CDH13: variants seen among roughly 807,000 people sequenced by gnomAD.
CDH13 encodes the protein cadherin-13.
A neutral mutation model predicts 63.8 loss-of-function variants in CDH13; 24 were observed. The ratio of observed to expected loss-of-function variants is 0.38; its 90% CI spans 0.27 to 0.53. The LOEUF is 0.53. Ranked by LOEUF, CDH13 falls within the 20% of genes least tolerant of loss-of-function variation. CDH13 has a pLI of 0.85. For synonymous variants in CDH13, 503 were observed against 355.3 expected, an observed-to-expected ratio of 1.42 and a Z score of -4.67; for missense variants, 1,049 against 903.1, an observed-to-expected ratio of 1.16 and a Z score of -2.07.
At chr16:83,618,322 G>A (rs1486093283) in intron 8 of CDH13, among the ~76,000 whole-genome samples, 1 of 151,998 alleles carries the variant, frequency 6.6e-6, no homozygotes, top group Non-Finnish European at 1.5e-5. Flanking sequence ...CTACTTAGGG[G>A]GCTGAGGCAG....
At chr16:82,837,786 C>T (rs2038831796) in intron 1 of CDH13, among the ~76,000 whole-genome samples, 1 of 152,172 alleles carries the variant, frequency 6.6e-6, no homozygotes, top group Non-Finnish European at 1.5e-5. Context: ...TTCCTGACTC[C>T]CGGAAGAAAA....
At chr16:82,736,106 G>C (rs184555905) in intron 1 of CDH13, among the ~76,000 whole-genome samples, 1 of 152,330 alleles carries the variant, frequency 6.6e-6, no homozygotes, top group African/African-American at 2.4e-5. Context: ...AAACTAGTCA[G>C]TAAGCTGCGC....
At position 83,031,380 on chromosome 16, in the gene CDH13, A is replaced by G. The variant is rs560965515; in HGVS notation, c.158-630A>G. Among the ~76,000 whole-genome samples the G allele has an allele frequency of 9.5e-3, 660 of 69,506 alleles. 43 individuals are homozygous for G. The highest frequency in any genetic ancestry group is 0.068 in the Admixed American group (534 of 7,822). 45.6% of individuals were successfully genotyped at this position (69,506 alleles called of 152,430 possible). A position where few individuals can be genotyped will look rare whatever the true frequency, so the allele number is the denominator to read the frequency against. On this transcript the variant is annotated intron_variant, in intron 2 of 13. Coordinates refer to ENST00000567109, the MANE Select transcript of CDH13 (RefSeq NM_001257.5). ...TATACATGTACATGTATATGTATAC[A>G]CGTATATGTATATACATATACATGT... is the stretch of plus-strand genomic sequence containing the variant.
At chr16:83,437,263 G>C (rs1406896148) in intron 6 of CDH13, among the ~76,000 whole-genome samples, 1 of 152,106 alleles carries the variant, frequency 6.6e-6, no homozygotes, top group African/African-American at 2.4e-5. Context: ...TTCTTTGTTA[G>C]ATCGGATAAT....
intron 1 of CDH13, among the ~76,000 whole-genome samples, chr16:82,665,540 C>G (rs1356569919): frequency 6.6e-6 from 1 of 152,122 alleles, no homozygotes; most frequent in South Asian, 2.1e-4. Flanking sequence ...ATAAGAGAAT[C>G]AATTGTATGC....
intron 3 of CDH13, among the ~76,000 whole-genome samples, chr16:83,085,845 A>G (rs776395393): frequency 1.3e-4 from 20 of 152,196 alleles, no homozygotes; most frequent in Admixed American, 2.6e-4. Flanking sequence ...GGGAATAGTC[A>G]TTATATTTGG....
chr16:83,557,425 C>G (rs192440945), intron 7 of CDH13, among the ~76,000 whole-genome samples: 3 of 152,302 alleles, frequency 2.0e-5, no homozygotes, highest in Non-Finnish European at 2.9e-5. Context: ...TTCCACAAAA[C>G]TGGTCCCTCA....
At chr16:83,140,159 C>A (rs1448076249) in intron 4 of CDH13, among the ~76,000 whole-genome samples, 1 of 152,194 alleles carries the variant, frequency 6.6e-6, no homozygotes, top group Non-Finnish European at 1.5e-5. Context: ...TGGGGTGACA[C>A]CTAACAGTTA....
chr16:83,452,309 G>C (rs74032101), intron 6 of CDH13, among the ~76,000 whole-genome samples: 29,392 of 151,948 alleles, frequency 0.19, 3,248 homozygotes, highest in Non-Finnish European at 0.24. Flanking sequence ...ATGAAACCTT[G>C]CTCTTACATG....
chr16:82,780,431 A>G (rs555118985), intron 1 of CDH13, among the ~76,000 whole-genome samples: 1 of 152,362 alleles, frequency 6.6e-6, no homozygotes, highest in South Asian at 2.1e-4. Flanking sequence ...CCCATAGGAT[A>G]AATGACAGCA....
rs181755060 is a variant in CDH13, at chr16:82,761,392, T to G, written c.46-96970T>G. On this transcript the variant is annotated intron_variant, in intron 1 of 13. Transcript: ENST00000567109. ...AACCAGTAGGATAAATACTACTTAT[T>G]TTTCATTCCTCAGATGAGAACATTT... 4.8e-3 allele frequency among the ~76,000 whole-genome samples: 730 copies of G among 152,312 alleles called. 2 individuals carry two copies. Among genetic ancestry groups the G allele is most frequent in the African/African-American group, 0.014 (584 of 41,562 alleles).
At chr16:83,592,183 C>G (rs1906825157) in intron 7 of CDH13, among the ~76,000 whole-genome samples, 1 of 152,194 alleles carries the variant, frequency 6.6e-6, no homozygotes, top group Non-Finnish European at 1.5e-5. Flanking sequence ...CGCACAATGC[C>G]TAGCACACAG....
In CDH13 at chr16:83,585,374, A is replaced by G. The variant is rs899428321; in HGVS notation, c.961-17080A>G. Among the ~76,000 whole-genome samples, 5 of 152,116 alleles carry G rather than the reference A, an allele frequency of 3.3e-5. No individual in the cohort carries two copies. The East Asian group carries it at 9.7e-4, about 29-fold the overall frequency. ...TGGAGTCGTGTGAGAGTCTGTTTGG[A>G]GAAGGAAATCAGTGATACTCTGTTC... On this transcript the variant is annotated intron_variant, in intron 7 of 13. Coordinates refer to ENST00000567109, the MANE Select transcript of CDH13 (RefSeq NM_001257.5).
At chr16:83,734,281 C>T (rs970209881) in intron 10 of CDH13, among the ~76,000 whole-genome samples, 1 of 152,168 alleles carries the variant, frequency 6.6e-6, no homozygotes, top group African/African-American at 2.4e-5. Context: ...CTGTTCACTG[C>T]ACAGAAAGCC....
chr16:83,643,792 T>G (rs745947097), intron 8 of CDH13, among the ~76,000 whole-genome samples: 1 of 152,242 alleles, frequency 6.6e-6, no homozygotes, highest in East Asian at 1.9e-4. Context: ...ATTCATAGTT[T>G]ACTTACGTTA....
chr16:83,298,142 C>G lies in CDH13; in HGVS notation c.637-46720C>G, dbSNP rs976373438. On this transcript the variant is annotated intron_variant, in intron 5 of 13. Coordinates refer to ENST00000567109, the MANE Select transcript of CDH13 (RefSeq NM_001257.5). ...CCTGTGGTTCCAGCTACTCAGGAGG[C>G]TGAGGCGGGAGGAAAGCTTGAGCCC... Among the ~76,000 whole-genome samples the G allele has an allele frequency of 2.6e-5, 4 of 151,664 alleles. No homozygotes were observed. In the East Asian group the frequency reaches 5.8e-4, roughly 22 times the overall value.
intron 11 of CDH13, among the ~76,000 whole-genome samples, chr16:83,757,848 G>T (rs1305366764): frequency 1.3e-5 from 2 of 151,944 alleles, no homozygotes; most frequent in Non-Finnish European, 2.9e-5. Context: ...CTAAAAAGAG[G>T]CTGGGCATGG....
intron 1 of CDH13, among the ~76,000 whole-genome samples, chr16:82,635,599 T>C (rs750638532): frequency 6.6e-5 from 10 of 152,238 alleles, no homozygotes; most frequent in African/African-American, 1.9e-4. Flanking sequence ...TGGCTACAAG[T>C]AGCAAATGGG....
chr16:83,367,468 T>C (rs1006390399), intron 6 of CDH13, among the ~76,000 whole-genome samples: 1 of 152,254 alleles, frequency 6.6e-6, no homozygotes, highest in Non-Finnish European at 1.5e-5. Context: ...TTGTGTAAGT[T>C]TCCTGTGGAT....
Sources: gnomAD v4.1 joint callset for allele counts (sites outside exome capture counted in the v4.1 genomes callset) on GRCh38, gnomAD v4.1.1 for gene constraint, MANE v1.5 for transcripts, NCBI Gene and HGNC (gene_info 2026-07-23, HGNC 2026-07-21) for gene names.